Variants in MREG observed in about 807,000 individuals in gnomAD.
The protein encoded by MREG is dilute suppressor protein homolog.
Under a neutral mutation model 28.5 loss-of-function variants are expected in MREG, and 31 were observed. The observed-to-expected ratio is 1.09, with a 90% confidence interval of 0.82 to 1.47. The LOEUF is 1.47. Among genes scored for constraint, MREG ranks in the 40% most tolerant of loss-of-function variants. The pLI is 0.00. For synonymous variants in MREG, 106 were observed against 95.2 expected (o/e 1.11, Z -0.66); for missense variants, 256 against 257.4 (o/e 0.99, Z 0.04).
chr2:215,943,838 C>CAAAAAAAAAAAAAAAAAAAAAAAA lies in MREG; in HGVS notation c.*1024_*1025insTTTTTTTTTTTTTTTTTTTTTTTT, dbSNP rs1172682973. On this transcript the variant is annotated 3_prime_UTR_variant, in exon 5 of 5. Transcript: ENST00000263268. ...CCTGGGCGACAGAGCGAGAGTCCAT[C>CAAAAAAAAAAAAAAAAAAAAAAAA]AAAAAAAAAAAAAAAAAAAAAAAGA... The CAAAAAAAAAAAAAAAAAAAAAAAA allele has an allele frequency of 2.1e-5, 1 of 47,200 alleles. No homozygotes were observed. The highest frequency in any genetic ancestry group is 3.6e-5 in the Non-Finnish European group (1 of 27,422). 2.9% of individuals were successfully genotyped at this position (47,200 alleles called of 1,614,324 possible).
intron 2 of MREG, among the ~76,000 whole-genome samples, chr2:215,976,876 G>T (rs1693275703): frequency 6.6e-6 from 1 of 152,178 alleles, no homozygotes; most frequent in African/African-American, 2.4e-5. Context: ...GCTCCTGAAG[G>T]AAGCACTAAG....
In MREG at chr2:215,943,408, A is replaced by G. The variant is rs1400046204; in HGVS notation, c.*1455T>C. 2 of 456,562 alleles carry G rather than the reference A, an allele frequency of 4.4e-6. No homozygotes were observed. The highest frequency in any genetic ancestry group is 1.4e-4 in the East Asian group (2 of 14,406). The allele number at this position is 456,562 out of a possible 1,614,324, so 28.3% of individuals were successfully genotyped here. A position where few individuals can be genotyped will look rare whatever the true frequency, so the allele number is the denominator to read the frequency against. On this transcript the variant is annotated 3_prime_UTR_variant, in exon 5 of 5. Transcript: ENST00000263268. ...GTCCAGCAAAGATCTTCAGTGCAAT[A>G]CTCCCTGCATATGTGCAAGTCTGCA... is the stretch of plus-strand genomic sequence containing the variant.
At chr2:215,946,154 A>G (rs1692313159) in intron 3 of MREG, among the ~76,000 whole-genome samples, 1 of 151,888 alleles carries the variant, frequency 6.6e-6, no homozygotes, top group Admixed American at 6.6e-5. Flanking sequence ...CCTCAGGGTA[A>G]TATGATTAGC....
intron 1 of MREG, among the ~76,000 whole-genome samples, chr2:216,029,246 G>A (rs926323098): frequency 6.6e-6 from 1 of 152,208 alleles, no homozygotes; most frequent in East Asian, 1.9e-4. Flanking sequence ...TTGGGAGGCT[G>A]AGGCAGGCAG....
At position 215,944,994 on chromosome 2, in the gene MREG, G is replaced by A. The variant is rs776237177; in HGVS notation, c.514C>T (p.Arg172Cys). 7.6e-6 allele frequency: 12 copies of A among 1,571,370 alleles called. No homozygotes were observed. Among genetic ancestry groups the A allele is most frequent in the Admixed American group, 1.7e-5 (1 of 59,362 alleles). Residue 172 changes from arginine to cysteine, a missense_variant, in exon 5 of 5, where the codon CGT (arginine) becomes TGT (cysteine). Physicochemically the swap from Arg to Cys is radical, Grantham distance 180 (BLOSUM62 -3). Transcript: ENST00000263268. Reference sequence around the variant, plus strand: ...TCTGCAGCATCAAGTGCAATGAGACGGTCCTGCAAAAACAAACAACAAACC... The same window carrying A: ...TCTGCAGCATCAAGTGCAATGAGACAGTCCTGCAAAAACAAACAACAAACC... ...LSERYLFVVDRLIALDAAEEF... is the reference protein window; with the variant it reads ...LSERYLFVVDCLIALDAAEEF...
intron 2 of MREG, among the ~76,000 whole-genome samples, chr2:215,961,587 G>A (rs979359931): frequency 9.9e-5 from 15 of 152,064 alleles, no homozygotes; most frequent in African/African-American, 2.9e-4. Flanking sequence ...CACCATGCCC[G>A]TCTAATTTTT....
At chr2:215,949,062 ACTACTACTACTACTAC>A (rs1559173422) in intron 2 of MREG, among the ~76,000 whole-genome samples, 23 of 141,260 alleles carry the variant, frequency 1.6e-4, no homozygotes, top group African/African-American at 6.0e-4. Flanking sequence ...TACTACTACT[ACTACTACTACTACTAC>A]TACTACTACT....
At position 215,944,888 on chromosome 2, in the gene MREG, T is replaced by G. The variant is rs771638000; in HGVS notation, c.620A>C (p.His207Pro). ...PCLADGQKEL[H>P]YLPFPSP Reference sequence around the variant, plus strand: ...TTAGGGACTTGGAAACGGAAGGTAGTGCAGTTCTTTCTGGCCATCTGCCAG... The same window carrying G: ...TTAGGGACTTGGAAACGGAAGGTAGGGCAGTTCTTTCTGGCCATCTGCCAG... The change falls in exon 5 of 5, where the codon CAC becomes CCC. Residue 207 changes from histidine (H) to proline (P), a missense_variant. Coordinates refer to ENST00000263268, the MANE Select transcript of MREG (RefSeq NM_018000.3). 1.4e-5 allele frequency: 22 copies of G among 1,604,718 alleles called. No homozygotes were observed. The highest frequency in any genetic ancestry group is 1.9e-5 in the Non-Finnish European group (22 of 1,172,472).
intron 2 of MREG, among the ~76,000 whole-genome samples, chr2:215,986,499 C>T (rs920627143): frequency 6.6e-6 from 1 of 152,200 alleles, no homozygotes; most frequent in Non-Finnish European, 1.5e-5. Flanking sequence ...AGATTGCAAC[C>T]TCTGTTCTCC....
intron 3 of MREG, among the ~76,000 whole-genome samples, chr2:215,946,019 T>C (rs946370582): frequency 6.6e-6 from 1 of 151,976 alleles, no homozygotes; most frequent in Non-Finnish European, 1.5e-5. Context: ...TTGTTTCTGG[T>C]TTGAAGCCCT....
intron 1 of MREG, among the ~76,000 whole-genome samples, chr2:216,021,909 G>A (rs537855452): frequency 1.3e-5 from 2 of 152,212 alleles, no homozygotes; most frequent in South Asian, 4.1e-4. Flanking sequence ...GCATGGCACT[G>A]AGCTCAACCT....
At chr2:215,958,127 G>C (rs933896462) in intron 2 of MREG, among the ~76,000 whole-genome samples, 2 of 128,770 alleles carry the variant, frequency 1.6e-5, no homozygotes, top group African/African-American at 5.7e-5. Context: ...GAGGGGGGAG[G>C]GATAGCATTA....
In MREG at chr2:216,013,437, G is replaced by C; in HGVS notation, c.-110C>G. On this transcript the variant is annotated 5_prime_UTR_variant, in exon 1 of 5. Transcript: ENST00000263268. The stretch of plus-strand genomic sequence containing the variant: ...CCAGCGTCCAGGTGCGGGGACAGCG[G>C]CAGCCCGGGCGTCGCGGGCTGGTCC... 1.5e-6 allele frequency: 1 copy of C among 645,928 alleles called. No homozygotes were observed. The highest frequency in any genetic ancestry group is 7.0e-5 in the South Asian group (1 of 14,244). 40.0% of individuals were successfully genotyped at this position (645,928 alleles called of 1,614,324 possible).
chr2:215,946,619 C>T (rs1164279156), intron 3 of MREG, among the ~76,000 whole-genome samples: 2 of 152,182 alleles, frequency 1.3e-5, no homozygotes, highest in African/African-American at 2.4e-5. Flanking sequence ...CGAAATTCTA[C>T]ACTGAGTTTT....
At chr2:215,947,874 G>A (rs1054980515) in intron 2 of MREG, among the ~76,000 whole-genome samples, 2 of 152,156 alleles carry the variant, frequency 1.3e-5, no homozygotes, top group Admixed American at 6.5e-5. Flanking sequence ...TACAGAACTT[G>A]AATCTTTTAG....
downstream of MREG, chr2:215,939,460 C>T (rs887596564): frequency 1.4e-4 from 21 of 152,172 alleles, no homozygotes; most frequent in African/African-American, 4.8e-4. Flanking sequence ...ATAAGTCCTC[C>T]TTTCTGTTCT....
intron 2 of MREG, among the ~76,000 whole-genome samples, chr2:215,975,026 A>ATATATATATATATATATATATG (rs1268461887): frequency 2.3e-4 from 34 of 145,692 alleles, no homozygotes; most frequent in African/African-American, 7.5e-4. Flanking sequence ...ATATATATAT[A>ATATATATATATATATATATATG]TGAAATAATA....
upstream of MREG, among the ~76,000 whole-genome samples, chr2:216,033,388 G>A (rs893239524): frequency 3.9e-5 from 6 of 152,050 alleles, no homozygotes; most frequent in Admixed American, 6.6e-5. Flanking sequence ...TCACAAGAGC[G>A]AGTAAGTGGT....
At chr2:215,963,010 C>T (rs573390731) in intron 2 of MREG, among the ~76,000 whole-genome samples, 7 of 152,192 alleles carry the variant, frequency 4.6e-5, no homozygotes, top group Admixed American at 2.6e-4. Flanking sequence ...CACCTGTAGC[C>T]CCAGCTTCTC....
Sources: allele counts gnomAD v4.1 joint callset (sites outside exome capture counted in the v4.1 genomes callset), GRCh38; gene constraint gnomAD v4.1.1; transcripts MANE v1.5; gene names NCBI Gene and HGNC (gene_info 2026-07-23, HGNC 2026-07-21).